DNAH7: variants seen among roughly 807,000 people sequenced by gnomAD.
DNAH7 encodes axonemal beta dynein heavy chain 7.
In DNAH7, 397 loss-of-function variants were observed where a neutral mutation model predicts 444.6. That is an observed-to-expected ratio of 0.89 (90% CI 0.82 to 0.97). The LOEUF (loss-of-function observed/expected upper bound fraction) is 0.97. DNAH7 is among the 50% of genes least tolerant of loss of function. The probability of loss-of-function intolerance (pLI) is 0.00; values close to 1 mark genes in which losing one functional copy is unlikely to be tolerated. For missense variants in DNAH7, 4,902 were observed against 4,800.8 expected (o/e 1.02, Z -0.62); for synonymous variants, 1,636 against 1,624.4 (o/e 1.01, Z -0.17).
At chr2:195,916,408 C>CATA (rs1221778153) in intron 24 of DNAH7, among the ~76,000 whole-genome samples, 1 of 152,152 alleles carries the variant, frequency 6.6e-6, no homozygotes, top group Non-Finnish European at 1.5e-5. Flanking sequence ...GTCAGTCAGA[C>CATA]ATAAGTAGGG....
chr2:195,970,096 TA>T lies in DNAH7; in HGVS notation c.2059-3del. 6.3e-7 allele frequency: 1 copy of T among 1,588,554 alleles called. No individual in the cohort carries two copies. Among genetic ancestry groups the T allele is most frequent in the Non-Finnish European group, 8.5e-7 (1 of 1,171,636 alleles). On this transcript the variant is annotated splice_region_variant and splice_polypyrimidine_tract_variant and intron_variant, in intron 16 of 64. Transcript: ENST00000312428. ...CTCCACAAACCGTTCACACCGTAAC[TA>T]ATAAAAACAATTTGTTGTTAATATT...
At chr2:195,812,325 A>G (rs1187906640) in intron 51 of DNAH7, among the ~76,000 whole-genome samples, 1 of 152,064 alleles carries the variant, frequency 6.6e-6, no homozygotes, top group Non-Finnish European at 1.5e-5. Flanking sequence ...CTTTATCACA[A>G]TGTCATGGTC....
chr2:195,862,095 C>G, intron 41 of DNAH7, 149 bp from the exon 42 acceptor site: 1 of 652,874 alleles, frequency 1.5e-6, no homozygotes, highest in South Asian at 2.0e-5. Context: ...AAGAAACTTT[C>G]CCGAGGACTT....
In DNAH7 at chr2:195,987,921, TAG is replaced by T. The variant is rs199823614; in HGVS notation, c.1626+34_1626+35del. The T allele has an allele frequency of 5.8e-4, 899 of 1,539,662 alleles. 11 individuals carry two copies. The East Asian group carries it at 0.018, about 30-fold the overall frequency. ...ATAAAACTGGGGAAAAGATACCAGA[TAG>T]AGATAACAGTTGCACAAAACTGGAG... On this transcript the variant is annotated intron_variant, in intron 13 of 64. Coordinates refer to ENST00000312428, the MANE Select transcript of DNAH7 (RefSeq NM_018897.3).
intron 48 of DNAH7, 142 bp from the exon 49 acceptor site, chr2:195,824,587 A>C: frequency 2.7e-6 from 2 of 736,588 alleles, no homozygotes; most frequent in Non-Finnish European, 4.1e-6. Flanking sequence ...TCTTCTGAAA[A>C]GTATAAAGAA....
At chr2:195,869,661 G>A (rs1700561676) in intron 40 of DNAH7, among the ~76,000 whole-genome samples, 1 of 152,066 alleles carries the variant, frequency 6.6e-6, no homozygotes, top group African/African-American at 2.4e-5. Flanking sequence ...AATATCTGGG[G>A]GAAATATTGC....
chr2:195,880,578 T>G (rs1355457329), intron 36 of DNAH7, among the ~76,000 whole-genome samples: 4 of 151,708 alleles, frequency 2.6e-5, no homozygotes, highest in African/African-American at 9.7e-5. Flanking sequence ...CTCCTAGTGA[T>G]CCCCCCGCCT....
At chr2:196,037,576 T>A (rs1696475400) in intron 5 of DNAH7, among the ~76,000 whole-genome samples, 2 of 151,828 alleles carry the variant, frequency 1.3e-5, no homozygotes, top group African/African-American at 4.8e-5. Flanking sequence ...CAAACAGAAA[T>A]CCTGAAACTG....
chr2:195,796,605 A>G lies in DNAH7; in HGVS notation c.10486T>C (p.Trp3496Arg). Residue 3496 changes from tryptophan to arginine, a missense_variant, in exon 56 of 65, where the codon TGG becomes CGG. Transcript: ENST00000312428. ...CAGACTTTCTCAAGGGTTGGCATCC[A>G]AGAGGTGGCAAGGTGACAATTCTGA... ...VLQNCHLATS[W>R]MPTLEKVCEE... is the part of the protein sequence containing the mutation. The G allele has an allele frequency of 6.2e-7, 1 of 1,614,168 alleles. No homozygotes were observed. The highest frequency in any genetic ancestry group is 8.5e-7 in the Non-Finnish European group (1 of 1,179,998).
At chr2:195,960,233 A>G (rs1259163028) in intron 18 of DNAH7, 27 bp downstream of exon 18, 7 of 1,550,592 alleles carry the variant, frequency 4.5e-6, no homozygotes, top group Middle Eastern at 3.5e-4. Flanking sequence ...ACATAGCATA[A>G]ACATTGCCAT....
chr2:195,962,316 A>T lies in DNAH7; in HGVS notation c.2206-1371T>A, dbSNP rs1691164817. 3.3e-5 allele frequency among the ~76,000 whole-genome samples: 5 copies of T among 152,338 alleles called. No homozygotes were observed. In the South Asian group the frequency reaches 1.0e-3, roughly 32 times the overall value. Reference sequence around the variant, plus strand: ...GGGGTATCCATTCCCTCAAATATTTATCCTTCGTGTTATAAACAATCCAAT... The same window carrying T: ...GGGGTATCCATTCCCTCAAATATTTTTCCTTCGTGTTATAAACAATCCAAT... On this transcript the variant is annotated intron_variant, in intron 17 of 64. Coordinates refer to ENST00000312428, the MANE Select transcript of DNAH7 (RefSeq NM_018897.3).
At chr2:195,995,712 G>A (rs1439034970) in intron 12 of DNAH7, 1 of 172,134 alleles carries the variant, frequency 5.8e-6, no homozygotes, top group East Asian at 1.8e-4. Flanking sequence ...AGATGCGAGG[G>A]CGCTGGGACT....
intron 19 of DNAH7, among the ~76,000 whole-genome samples, chr2:195,952,493 G>A (rs1690331472): frequency 1.3e-5 from 2 of 152,116 alleles, no homozygotes; most frequent in African/African-American, 4.8e-5. Flanking sequence ...GGCTGGGGAA[G>A]TTCTCCTGGA....
In DNAH7 at chr2:195,960,452, G is replaced by C. The variant is rs760102048; in HGVS notation, c.2699C>G (p.Ser900Cys). ...CATCTTCTCCATCGCCTTTTCAAGA[G>C]AATATTCTTTGCTAGCTGCTTCACT... ...GISEAASKEYSLEKAMEKMIT... is the reference protein window; with the variant it reads ...GISEAASKEYCLEKAMEKMIT... The change falls in exon 18 of 65, where the codon TCT becomes TGT. Residue 900 changes from serine to cysteine, a missense_variant. Transcript: ENST00000312428. 5 of 1,614,160 alleles carry C rather than the reference G, an allele frequency of 3.1e-6. No homozygotes were observed. The Admixed American group carries it at 8.3e-5, about 27-fold the overall frequency.
intron 2 of DNAH7, among the ~76,000 whole-genome samples, chr2:196,056,765 A>C (rs1697834720): frequency 6.6e-6 from 1 of 152,128 alleles, no homozygotes; most frequent in South Asian, 2.1e-4. Flanking sequence ...TCAGTCTCTT[A>C]TTATTGCGTC....
chr2:195,773,638 ATCTT>A (rs1245977044), intron 60 of DNAH7, among the ~76,000 whole-genome samples: 1 of 152,122 alleles, frequency 6.6e-6, no homozygotes, highest in African/African-American at 2.4e-5. Context: ...CTTCTTTACT[ATCTT>A]TCTTTAGAGT....
Position 195,816,977 on chromosome 2 carries a change from A to T in DNAH7, c.9426-14T>A. On this transcript the variant is annotated splice_polypyrimidine_tract_variant and intron_variant, in intron 50 of 64. Transcript: ENST00000312428. ...TCTTTTAACTGCCTGGAATAAAACA[A>T]AATTTTCTTAGAAGAAAAAGAAGTC... 1 of 1,539,286 alleles carries T rather than the reference A, an allele frequency of 6.5e-7. No individual in the cohort carries two copies. The highest frequency in any genetic ancestry group is 8.7e-7 in the Non-Finnish European group (1 of 1,143,912).
intron 57 of DNAH7, among the ~76,000 whole-genome samples, chr2:195,790,950 T>C (rs1045124878): frequency 6.6e-6 from 1 of 152,074 alleles, no homozygotes; most frequent in East Asian, 1.9e-4. Flanking sequence ...TATCTGACAA[T>C]GGTCTAATAT....
Position 195,738,119 on chromosome 2 carries a change from T to TA in DNAH7, c.11876dup (p.Pro3961AlafsTer3). 6.2e-7 allele frequency: 1 copy of TA among 1,613,650 alleles called. No homozygotes were observed. Among genetic ancestry groups the TA allele is most frequent in the South Asian group, 1.1e-5 (1 of 91,070 alleles). Reference sequence around the variant, plus strand: ...GTATATCTGCCCTCTTACAGGGCTTTAGCCACATCTGGAAGAAAGTACATA... The same window carrying TA: ...GTATATCTGCCCTCTTACAGGGCTTTAAGCCACATCTGGAAGAAAGTACATA... On this transcript the variant is annotated frameshift_variant, in exon 65 of 65. Transcript: ENST00000312428. LOFTEE classifies it low-confidence loss of function (END_TRUNC).
Sources: gnomAD v4.1 joint callset for allele counts (sites outside exome capture counted in the v4.1 genomes callset) on GRCh38, gnomAD v4.1.1 for gene constraint, MANE v1.5 for transcripts, NCBI Gene and HGNC (gene_info 2026-07-23, HGNC 2026-07-21) for gene names.